The following CLEC4C variants were observed in gnomAD, a reference collection of about 807,000 sequenced individuals.
CLEC4C encodes C-type lectin domain family 4 member C.
A neutral mutation model predicts 27.7 loss-of-function variants in CLEC4C; 17 were observed. The ratio of observed to expected loss-of-function variants is 0.61; its 90% CI spans 0.42 to 0.92. CLEC4C has a LOEUF of 0.92. CLEC4C is among the 40% of genes least tolerant of loss of function. The probability of loss-of-function intolerance (pLI) is 0.00; values close to 1 mark genes in which losing one functional copy is unlikely to be tolerated. For synonymous variants in CLEC4C, 80 were observed against 80.8 expected, an observed-to-expected ratio of 0.99 and a Z score of 0.06; for missense variants, 244 against 257.3, an observed-to-expected ratio of 0.95 and a Z score of 0.35.
intron 3 of CLEC4C, 71 bp downstream of exon 3, chr12:7,741,350 A>T (rs2120417707): frequency 2.4e-6 from 2 of 846,468 alleles, no homozygotes; most frequent in East Asian, 2.4e-5. Flanking sequence ...TTAGTGCTGA[A>T]GATATAAACC....
chr12:7,738,063 T>C (rs1403106916), intron 3 of CLEC4C, among the ~76,000 whole-genome samples: 1 of 152,198 alleles, frequency 6.6e-6, no homozygotes, highest in Non-Finnish European at 1.5e-5. Context: ...ATGAACCATG[T>C]CCACATCTTT....
At chr12:7,737,401 G>A (rs1864751737) in intron 4 of CLEC4C, 28 bp downstream of exon 4, 1 of 1,511,458 alleles carries the variant, frequency 6.6e-7, no homozygotes, top group African/African-American at 1.4e-5. Context: ...AAACAGATTA[G>A]CTGACCACCT....
At chr12:7,741,573 G>A in intron 2 of CLEC4C, 42 bp from the exon 3 acceptor site, 5 of 1,070,162 alleles carry the variant, frequency 4.7e-6, no homozygotes, top group Non-Finnish European at 7.3e-6. Context: ...TCTTTTAAGT[G>A]GATCTATGTT....
Position 7,744,932 on chromosome 12 carries a change from T to C in CLEC4C, c.124+1399A>G, listed in dbSNP as rs117092178. ...CATATGAACAATTTTTCCTGTCATG[T>C]TGGGAAGAATCTCACATGAAGATTA... On this transcript the variant is annotated intron_variant, in intron 2 of 5. Coordinates refer to ENST00000360345, the MANE Select transcript of CLEC4C (RefSeq NM_001371390.1). Among the ~76,000 whole-genome samples the C allele has an allele frequency of 6.1e-4, 93 of 152,276 alleles. 1 individual carries two copies. In the East Asian group the frequency reaches 0.015, roughly 25 times the overall value.
rs374204624 is a variant in CLEC4C, at chr12:7,735,844, A to G, written c.381+1585T>C. On this transcript the variant is annotated intron_variant, in intron 4 of 5. Coordinates refer to ENST00000360345, the MANE Select transcript of CLEC4C (RefSeq NM_001371390.1). Reference sequence around the variant, plus strand: ...AGCAAAAACCAGTAACAGCAAAAAAACAAGCTTAAGTGTTGAACATTATAA... The same window carrying G: ...AGCAAAAACCAGTAACAGCAAAAAAGCAAGCTTAAGTGTTGAACATTATAA... 7.9e-5 allele frequency among the ~76,000 whole-genome samples: 12 copies of G among 152,278 alleles called. No individual in the cohort carries two copies. In the East Asian group the frequency reaches 1.2e-3, roughly 15 times the overall value.
At chr12:7,747,631 T>TC (rs1865013663), upstream of CLEC4C, 2 of 242,210 alleles carry the variant, frequency 8.3e-6, no homozygotes, top group African/African-American at 5.1e-5. Context: ...GGTCTGATTG[T>TC]CTTTTTTTTT....
intron 1 of CLEC4C, among the ~76,000 whole-genome samples, chr12:7,746,757 T>C (rs1015285405): frequency 2.6e-5 from 4 of 152,220 alleles, no homozygotes; most frequent in Admixed American, 6.5e-5. Context: ...GCTGGGACTT[T>C]AGGCATTTGC....
In CLEC4C at chr12:7,737,546, A is replaced by AG. The variant is rs1864757114; in HGVS notation, c.263dup (p.Ser89PhefsTer5). The AG allele has an allele frequency of 6.2e-7, 1 of 1,613,854 alleles. No individual in the cohort carries two copies. The highest frequency in any genetic ancestry group is 8.5e-7 in the Non-Finnish European group (1 of 1,179,978). Reference sequence around the variant, plus strand: ...TAAAGTAGCAACTAGACTGAAATGAAGTCCAAGGGGTTGGGCAGCAGCTCC... The same window carrying AG: ...TAAAGTAGCAACTAGACTGAAATGAAGGTCCAAGGGGTTGGGCAGCAGCTCC... On this transcript the variant is annotated frameshift_variant, in exon 4 of 6. Transcript: ENST00000360345. LOFTEE classifies it high-confidence loss of function.
chr12:7,746,172 C>A (rs1396956944), intron 2 of CLEC4C, among the ~76,000 whole-genome samples, 159 bp downstream of exon 2: 4 of 149,384 alleles, frequency 2.7e-5, no homozygotes, highest in Non-Finnish European at 4.4e-5. Flanking sequence ...CGAGATCACG[C>A]CACTGCACTC....
chr12:7,737,795 T>G (rs1864762333), intron 3 of CLEC4C, among the ~76,000 whole-genome samples: 1 of 152,174 alleles, frequency 6.6e-6, no homozygotes, highest in Admixed American at 6.6e-5. Flanking sequence ...AGTAAATATC[T>G]CAGGCTTTTT....
At chr12:7,742,283 C>T (rs755545398) in intron 2 of CLEC4C, among the ~76,000 whole-genome samples, 5 of 151,878 alleles carry the variant, frequency 3.3e-5, no homozygotes, top group Admixed American at 6.6e-5. Flanking sequence ...GAGGCCAAGG[C>T]GGGTGGATCA....
chr12:7,737,810 C>G (rs755091686), intron 3 of CLEC4C, among the ~76,000 whole-genome samples: 26 of 152,156 alleles, frequency 1.7e-4, no homozygotes, highest in Admixed American at 6.6e-4. Context: ...CTTTTTGGGC[C>G]ATACGGTTTC....
At chr12:7,730,499 G>A (rs7134635) in intron 5 of CLEC4C, among the ~76,000 whole-genome samples, 87,990 of 151,838 alleles carry the variant, frequency 0.58, 26,013 homozygotes, top group Non-Finnish European at 0.61. Context: ...AATTAGCTGC[G>A]TGTGGTGGCA....
chr12:7,741,849 C>T (rs1326513179), intron 2 of CLEC4C, among the ~76,000 whole-genome samples: 4 of 151,788 alleles, frequency 2.6e-5, no homozygotes, highest in Admixed American at 6.6e-5. Flanking sequence ...GGTGAAACCC[C>T]GTCTCTACTA....
chr12:7,747,613 T>C (rs1865012577), upstream of CLEC4C: 1 of 359,976 alleles, frequency 2.8e-6, no homozygotes, highest in Non-Finnish European at 5.1e-6. Context: ...AAACAGTTCA[T>C]GGTTGCAGGT....
rs150641216 is a variant in CLEC4C at position 7,741,427 on chromosome 12, T to C, written c.229A>G (p.Ile77Val). 1.6e-4 allele frequency: 245 copies of C among 1,575,508 alleles called. No individual in the cohort carries two copies. The highest frequency in any genetic ancestry group is 2.1e-4 in the Non-Finnish European group (239 of 1,144,506). ...SLTCVMEGKD[I>V]EDWSCCPTPW... ...GCCCATTGCAGAGTTGTACCTTCTA[T>C]GTCCTTTCCTTCCATGACGCAGGTC... The change falls in exon 3 of 6, where the codon ATA (isoleucine) becomes GTA (valine). Residue 77 changes from isoleucine (I) to valine (V), a missense_variant. Physicochemically the swap from Ile to Val is conservative, Grantham distance 29. Transcript: ENST00000360345.
chr12:7,747,134 TTTTC>T (rs1354669999), intron 1 of CLEC4C, among the ~76,000 whole-genome samples, 180 bp downstream of exon 1: 1 of 152,216 alleles, frequency 6.6e-6, no homozygotes, highest in Admixed American at 6.5e-5. Flanking sequence ...GCCTTTCTTT[TTTTC>T]TTTCATCTTT....
At chr12:7,735,786 A>G (rs1864712554) in intron 4 of CLEC4C, among the ~76,000 whole-genome samples, 1 of 151,494 alleles carries the variant, frequency 6.6e-6, no homozygotes, top group Non-Finnish European at 1.5e-5. Flanking sequence ...CTGGCGACAG[A>G]GCAAGACTCC....
In CLEC4C at chr12:7,730,877, AG is replaced by A; in HGVS notation, c.416del (p.Ser139PhefsTer44). 3.1e-6 allele frequency: 5 copies of A among 1,606,744 alleles called. No homozygotes were observed. Among genetic ancestry groups the A allele is most frequent in the Non-Finnish European group, 4.3e-6 (5 of 1,173,588 alleles). ...CTGGATCTGACAGCCCCAGAAAATA[AG>A]AAGAATTTCTTTTCAGATTCTGAAT... is the stretch of plus-strand genomic sequence containing the variant. ...FIIQNLKRNS[S>X]YFLGLSDPGG... On this transcript the variant is annotated frameshift_variant, in exon 5 of 6. Transcript: ENST00000360345. LOFTEE classifies it high-confidence loss of function.
Sources: gnomAD v4.1 joint callset for allele counts (sites outside exome capture counted in the v4.1 genomes callset) on GRCh38, gnomAD v4.1.1 for gene constraint, MANE v1.5 for transcripts, NCBI Gene and HGNC (gene_info 2026-07-23, HGNC 2026-07-21) for gene names.